The following ST6GALNAC3 variants were observed in gnomAD, a reference collection of about 807,000 sequenced individuals.
ST6GALNAC3 encodes ST6 N-acetylgalactosaminide alpha-2,6-sialyltransferase 3.
In ST6GALNAC3, 25 loss-of-function variants were observed where a neutral mutation model predicts 32.7. That is an observed-to-expected ratio of 0.76 (90% CI 0.56 to 1.07). The LOEUF is 1.07. Among genes scored for constraint, ST6GALNAC3 ranks in the 50% least tolerant of loss-of-function variants. The pLI is 0.00. For synonymous variants in ST6GALNAC3, 129 were observed against 133.1 expected (o/e 0.97, Z 0.21); for missense variants, 355 against 382.4 (o/e 0.93, Z 0.60).
chr1:76,597,042 C>A (rs1187384115), intron 3 of ST6GALNAC3, among the ~76,000 whole-genome samples: 1 of 152,076 alleles, frequency 6.6e-6, no homozygotes, highest in Non-Finnish European at 1.5e-5. Flanking sequence ...GGAAGAAAAT[C>A]CATAGTTTAG....
intron 2 of ST6GALNAC3, among the ~76,000 whole-genome samples, chr1:76,341,661 CTTT>C (rs1557803821): frequency 6.6e-4 from 96 of 144,708 alleles, no homozygotes; most frequent in South Asian, 4.7e-3. Flanking sequence ...TTCTTTCTTT[CTTT>C]CTTTCTTTCT....
chr1:76,147,339 A>G (rs1424782682), intron 1 of ST6GALNAC3, among the ~76,000 whole-genome samples: 2 of 152,320 alleles, frequency 1.3e-5, no homozygotes, highest in South Asian at 2.1e-4. Flanking sequence ...CTGGGATTAC[A>G]GGCGTGAGCT....
chr1:76,387,290 A>G (rs941434093), intron 2 of ST6GALNAC3, among the ~76,000 whole-genome samples: 2 of 152,116 alleles, frequency 1.3e-5, no homozygotes, highest in Admixed American at 6.6e-5. Context: ...GACTTTGTCT[A>G]TCTTCCTGCA....
intron 3 of ST6GALNAC3, among the ~76,000 whole-genome samples, chr1:76,452,113 CAA>C (rs938219393): frequency 3.1e-4 from 47 of 152,020 alleles, no homozygotes; most frequent in African/African-American, 1.1e-3. Flanking sequence ...CTTGAATTTC[CAA>C]GTGTTGTGGG....
At chr1:76,204,011 TA>T (rs1654682488) in intron 1 of ST6GALNAC3, among the ~76,000 whole-genome samples, 1 of 152,226 alleles carries the variant, frequency 6.6e-6, no homozygotes. Flanking sequence ...AATCAACTTT[TA>T]TCAACCCTTT....
At chr1:76,590,608 T>G (rs1647032636) in intron 3 of ST6GALNAC3, among the ~76,000 whole-genome samples, 1 of 152,242 alleles carries the variant, frequency 6.6e-6, no homozygotes. Context: ...CTCATTTTTT[T>G]AAACCCATAT....
At chr1:76,394,805 G>T (rs1338385614) in intron 2 of ST6GALNAC3, among the ~76,000 whole-genome samples, 1 of 152,096 alleles carries the variant, frequency 6.6e-6, no homozygotes, top group Non-Finnish European at 1.5e-5. Context: ...TATGGCTACA[G>T]ATAGGAGCCC....
intron 1 of ST6GALNAC3, among the ~76,000 whole-genome samples, chr1:76,099,661 AAGT>A (rs1393255310): frequency 6.6e-6 from 1 of 152,204 alleles, no homozygotes; most frequent in African/African-American, 2.4e-5. Flanking sequence ...TGGTTGACTG[AAGT>A]CAGGGATGAA....
chr1:76,239,000 G>T (rs1203277880), intron 1 of ST6GALNAC3, among the ~76,000 whole-genome samples: 2 of 139,346 alleles, frequency 1.4e-5, no homozygotes, highest in Non-Finnish European at 3.0e-5. Flanking sequence ...CAGTAAGATA[G>T]AAGTGAGCAC....
At chr1:76,538,603 T>G (rs1006934589) in intron 3 of ST6GALNAC3, among the ~76,000 whole-genome samples, 1 of 152,156 alleles carries the variant, frequency 6.6e-6, no homozygotes, top group African/African-American at 2.4e-5. Context: ...GATGACATGA[T>G]TTTATATTTA....
chr1:76,326,614 A>T (rs1465654893), intron 2 of ST6GALNAC3, among the ~76,000 whole-genome samples: 1 of 152,092 alleles, frequency 6.6e-6, no homozygotes, highest in African/African-American at 2.4e-5. Flanking sequence ...TGTACATTTC[A>T]AGTAGACTTC....
At chr1:76,095,507 G>A (rs1227839828) in intron 1 of ST6GALNAC3, among the ~76,000 whole-genome samples, 1 of 152,140 alleles carries the variant, frequency 6.6e-6, no homozygotes, top group Non-Finnish European at 1.5e-5. Flanking sequence ...GTTTTCTCCA[G>A]GCAGTGGGTC....
chr1:76,515,163 G>A (rs904895359), intron 3 of ST6GALNAC3, among the ~76,000 whole-genome samples: 1 of 152,008 alleles, frequency 6.6e-6, no homozygotes, highest in Non-Finnish European at 1.5e-5. Flanking sequence ...ATTTTTTGAT[G>A]GAGGGTATTT....
At chr1:76,124,899 G>A (rs1482379112) in intron 1 of ST6GALNAC3, among the ~76,000 whole-genome samples, 2 of 150,840 alleles carry the variant, frequency 1.3e-5, no homozygotes, top group Admixed American at 1.3e-4. Context: ...TGTGCTACAA[G>A]AGTAAGATAC....
In ST6GALNAC3 at chr1:76,509,836, C is replaced by T. The variant is rs1362733397; in HGVS notation, c.623+97419C>T. ...TTCTCTATTTCTCTTTTAAGGACCCCCATGGTTACATTGGGCCAGAATAAT... is the reference window on the plus strand; with the variant it reads ...TTCTCTATTTCTCTTTTAAGGACCCTCATGGTTACATTGGGCCAGAATAAT... On this transcript the variant is annotated intron_variant, in intron 3 of 4. Coordinates refer to ENST00000328299, the MANE Select transcript of ST6GALNAC3 (RefSeq NM_152996.4). The surrounding 1 kb of genome is among the most constrained non-coding windows in gnomAD (Gnocchi z 5.5). Among the ~76,000 whole-genome samples, 3 of 152,136 alleles carry T rather than the reference C, an allele frequency of 2.0e-5. No individual in the cohort carries two copies. The highest frequency in any genetic ancestry group is 4.8e-5 in the African/African-American group (2 of 41,438).
chr1:76,199,077 C>A (rs889232461), intron 1 of ST6GALNAC3, among the ~76,000 whole-genome samples: 1 of 152,160 alleles, frequency 6.6e-6, no homozygotes, highest in Admixed American at 6.5e-5. Context: ...AAGTTTCCAT[C>A]CATGGCTCAA....
intron 1 of ST6GALNAC3, among the ~76,000 whole-genome samples, chr1:76,278,322 C>T (rs894735242): frequency 2.0e-5 from 3 of 150,514 alleles, no homozygotes; most frequent in Non-Finnish European, 3.0e-5. Flanking sequence ...CCCGGGTTCA[C>T]GCCATTCTCC....
chr1:76,592,270 G>A (rs979058283), intron 3 of ST6GALNAC3, among the ~76,000 whole-genome samples: 2 of 152,106 alleles, frequency 1.3e-5, no homozygotes, highest in Non-Finnish European at 2.9e-5. Context: ...TGGAGGGAAG[G>A]AAGATGGAAA....
intron 3 of ST6GALNAC3, among the ~76,000 whole-genome samples, chr1:76,522,185 G>T (rs1662584543): frequency 6.6e-6 from 1 of 150,948 alleles, no homozygotes; most frequent in Non-Finnish European, 1.5e-5. Flanking sequence ...CAAAGATACT[G>T]TGTATTTTTT....
Sources: allele counts gnomAD v4.1 joint callset (sites outside exome capture counted in the v4.1 genomes callset), GRCh38; gene constraint gnomAD v4.1.1; non-coding constraint Gnocchi (gnomAD v3.1); transcripts MANE v1.5; gene names NCBI Gene and HGNC (gene_info 2026-07-23, HGNC 2026-07-21).